Variants in OLA1 observed in about 807,000 individuals in gnomAD.
OLA1 encodes Obg like ATPase 1, also known as obg-like ATPase 1.
OLA1 carries 14 observed loss-of-function variants against 48.4 expected under a neutral mutation model. That is an observed-to-expected ratio of 0.29 (90% confidence interval 0.19 to 0.45). The LOEUF is 0.45. OLA1 is among the 20% of genes least tolerant of loss of function. The pLI is 1.00. For synonymous variants in OLA1, 127 were observed against 150.4 expected, an observed-to-expected ratio of 0.84 and a Z score of 1.14; for missense variants, 325 against 467.1, an observed-to-expected ratio of 0.70 and a Z score of 2.80.
intron 7 of OLA1, among the ~76,000 whole-genome samples, chr2:174,110,302 A>ATTTTTTTTT (rs575026912): frequency 3.1e-3 from 354 of 113,768 alleles, no homozygotes; most frequent in Non-Finnish European, 3.9e-3. Context: ...CCATGCTTGG[A>ATTTTTTTTT]TTTTTTTTTT....
intron 7 of OLA1, among the ~76,000 whole-genome samples, chr2:174,117,748 C>G (rs1268266492): frequency 2.0e-5 from 3 of 152,114 alleles, no homozygotes; most frequent in African/African-American, 4.8e-5. Flanking sequence ...ACCCTTCTCC[C>G]AGGAAAACCT....
intron 7 of OLA1, among the ~76,000 whole-genome samples, chr2:174,111,697 G>A (rs1026692048): frequency 1.3e-5 from 2 of 152,086 alleles, no homozygotes; most frequent in African/African-American, 4.8e-5. Context: ...GCTAATAAAG[G>A]AGATATGTAC....
chr2:174,102,165 T>A (rs1685411709), intron 7 of OLA1, among the ~76,000 whole-genome samples: 1 of 151,934 alleles, frequency 6.6e-6, no homozygotes, highest in Non-Finnish European at 1.5e-5. Flanking sequence ...AACATCAATA[T>A]CACCTGGGAG....
intron 4 of OLA1, among the ~76,000 whole-genome samples, chr2:174,144,929 TTAAAAAA>T (rs1686544531): frequency 4.0e-5 from 1 of 24,990 alleles, no homozygotes; most frequent in African/African-American, 1.4e-4. Context: ...AAGACCCTGT[TTAAAAAA>T]AAAAAAAAAA....
At chr2:174,230,391 T>C (rs1471566095) in intron 2 of OLA1, among the ~76,000 whole-genome samples, 1 of 152,226 alleles carries the variant, frequency 6.6e-6, no homozygotes, top group South Asian at 2.1e-4. Flanking sequence ...TAACCAATAG[T>C]TATGAAAAGA....
Position 174,208,109 on chromosome 2 carries a change from T to C in OLA1, c.373+14924A>G, listed in dbSNP as rs559242541. Reference sequence around the variant, plus strand: ...CCTTTATCATCCACGACTTTATAAATACAGCAAAAAAATTGATGTTACTGC... The same window carrying C: ...CCTTTATCATCCACGACTTTATAAACACAGCAAAAAAATTGATGTTACTGC... On this transcript the variant is annotated intron_variant, in intron 4 of 10. Coordinates refer to ENST00000284719, the MANE Select transcript of OLA1 (RefSeq NM_013341.5). 2.6e-5 allele frequency among the ~76,000 whole-genome samples: 4 copies of C among 152,224 alleles called. No individual in the cohort carries two copies. In the South Asian group the frequency reaches 8.3e-4, roughly 32 times the overall value.
intron 2 of OLA1, among the ~76,000 whole-genome samples, chr2:174,240,973 C>T (rs985826814): frequency 6.6e-6 from 1 of 152,172 alleles, no homozygotes; most frequent in Non-Finnish European, 1.5e-5. Context: ...TCTATTTCCC[C>T]TCTCCCCATG....
At chr2:174,199,297 A>G (rs112792487) in intron 4 of OLA1, among the ~76,000 whole-genome samples, 4 of 152,150 alleles carry the variant, frequency 2.6e-5, no homozygotes, top group African/African-American at 7.2e-5. Context: ...CCACCGGGGG[A>G]AAGCTCAGGA....
intron 4 of OLA1, among the ~76,000 whole-genome samples, chr2:174,179,202 G>GA (rs150496659): frequency 6.3e-4 from 93 of 146,472 alleles, no homozygotes; most frequent in Non-Finnish European, 9.8e-4. Flanking sequence ...ACATAACCAT[G>GA]AAAAAAAAAA....
intron 7 of OLA1, among the ~76,000 whole-genome samples, chr2:174,108,869 A>G (rs1685575201): frequency 6.6e-6 from 1 of 152,166 alleles, no homozygotes; most frequent in African/African-American, 2.4e-5. Flanking sequence ...CAGTTCAACA[A>G]TTATTTGCTT....
At chr2:174,221,462 T>C (rs180738118) in intron 4 of OLA1, among the ~76,000 whole-genome samples, 1 of 152,260 alleles carries the variant, frequency 6.6e-6, no homozygotes, top group Admixed American at 6.5e-5. Flanking sequence ...TCTGAAACCT[T>C]ATCAGGGAAT....
chr2:174,233,325 A>G (rs1358121364), intron 2 of OLA1, among the ~76,000 whole-genome samples: 1 of 152,222 alleles, frequency 6.6e-6, no homozygotes, highest in Admixed American at 6.5e-5. Context: ...TACAGTTAAC[A>G]CAATTGAACT....
At chr2:174,137,762 G>A (rs1686346696) in intron 5 of OLA1, among the ~76,000 whole-genome samples, 1 of 152,168 alleles carries the variant, frequency 6.6e-6, no homozygotes. Flanking sequence ...ACCTCTCTCA[G>A]TTTTCTAACT....
At chr2:174,146,469 A>G (rs1403118039) in intron 4 of OLA1, among the ~76,000 whole-genome samples, 1 of 152,194 alleles carries the variant, frequency 6.6e-6, no homozygotes, top group Non-Finnish European at 1.5e-5. Context: ...TTGTACTAGG[A>G]CTATATTTTA....
intron 10 of OLA1, 64 bp downstream of exon 10, chr2:174,078,904 T>C (rs1001962518): frequency 6.7e-7 from 1 of 1,492,580 alleles, no homozygotes; most frequent in African/African-American, 1.4e-5. Flanking sequence ...CATTCATTTT[T>C]ATCATGACTA....
chr2:174,075,591 G>T, intron 10 of OLA1, 64 bp from the exon 11 acceptor site: 1 of 961,356 alleles, frequency 1.0e-6, no homozygotes, highest in Non-Finnish European at 1.7e-6. Context: ...GGGGTAAATG[G>T]TGGCAGCAGA....
intron 7 of OLA1, among the ~76,000 whole-genome samples, chr2:174,103,995 G>A (rs542081309): frequency 7.9e-5 from 12 of 152,090 alleles, no homozygotes; most frequent in Non-Finnish European, 1.6e-4. Context: ...TGAGATTTCC[G>A]TAGACATAGA....
intron 5 of OLA1, among the ~76,000 whole-genome samples, chr2:174,130,236 C>T (rs951148810): frequency 1.3e-5 from 2 of 152,066 alleles, no homozygotes; most frequent in Non-Finnish European, 2.9e-5. Context: ...TTTATGGAGG[C>T]AGGAGTACTG....
chr2:174,130,670 G>T (rs1016721937), intron 5 of OLA1, among the ~76,000 whole-genome samples: 1 of 152,174 alleles, frequency 6.6e-6, no homozygotes, highest in Non-Finnish European at 1.5e-5. Flanking sequence ...GGGTCTGGAA[G>T]TTGTGGGGAA....
Sources: allele counts gnomAD v4.1 joint callset (sites outside exome capture counted in the v4.1 genomes callset), GRCh38; gene constraint gnomAD v4.1.1; transcripts MANE v1.5; gene names NCBI Gene and HGNC (gene_info 2026-07-23, HGNC 2026-07-21).